TMEM150C: variants seen among roughly 807,000 people sequenced by gnomAD.
TMEM150C encodes the protein tentonin 3.
A neutral mutation model predicts 29.9 loss-of-function variants in TMEM150C; 10 were observed. The ratio of observed to expected loss-of-function variants is 0.33; its 90% confidence interval spans 0.21 to 0.57. TMEM150C has a LOEUF of 0.57. Ranked by LOEUF, TMEM150C falls within the 20% of genes least tolerant of loss-of-function variation. The pLI, the probability that TMEM150C is intolerant of heterozygous loss-of-function variation, is 0.88. For synonymous variants in TMEM150C, 101 were observed against 112.5 expected (o/e 0.90, Z 0.64); for missense variants, 251 against 303.6 (o/e 0.83, Z 1.29).
At chr4:82,524,155 C>T (rs1390663592) in intron 1 of TMEM150C, among the ~76,000 whole-genome samples, 1 of 150,590 alleles carries the variant, frequency 6.6e-6, no homozygotes, top group Non-Finnish European at 1.5e-5. Flanking sequence ...GTGGTCCCAG[C>T]TACTCGGAAG....
At chr4:82,527,643 T>C (rs6823689) in intron 1 of TMEM150C, among the ~76,000 whole-genome samples, 15,155 of 152,228 alleles carry the variant, frequency 0.1, 1,533 homozygotes, top group African/African-American at 0.26. Context: ...CTCCATGCCT[T>C]CTTCCCATGG....
chr4:82,547,214 C>T (rs1048739030), intron 1 of TMEM150C, among the ~76,000 whole-genome samples: 2 of 150,942 alleles, frequency 1.3e-5, no homozygotes, highest in Non-Finnish European at 3.0e-5. Flanking sequence ...ACAAATAACC[C>T]AAATAAAAAA....
At chr4:82,493,812 C>T (rs1723451395) in intron 6 of TMEM150C, among the ~76,000 whole-genome samples, 1 of 152,224 alleles carries the variant, frequency 6.6e-6, no homozygotes, top group Non-Finnish European at 1.5e-5. Context: ...CAAATATTCT[C>T]CTGGTAATCA....
At chr4:82,536,356 C>CAAAAA (rs567469021) in intron 1 of TMEM150C, among the ~76,000 whole-genome samples, 5 of 80,472 alleles carry the variant, frequency 6.2e-5, no homozygotes, top group South Asian at 5.0e-4. Context: ...GACTCCATCT[C>CAAAAA]AAAAAAAAAA....
At chr4:82,537,967 G>T (rs948324818) in intron 1 of TMEM150C, among the ~76,000 whole-genome samples, 7 of 152,184 alleles carry the variant, frequency 4.6e-5, no homozygotes, top group Admixed American at 2.6e-4. Flanking sequence ...GTGGTAATTT[G>T]TTGTGGCAGC....
At chr4:82,506,580 C>T (rs1341156429) in intron 1 of TMEM150C, among the ~76,000 whole-genome samples, 1 of 152,222 alleles carries the variant, frequency 6.6e-6, no homozygotes. Flanking sequence ...GGCGGAAATA[C>T]TGAGGCAAGG....
chr4:82,504,187 C>T (rs1484076096), intron 2 of TMEM150C, among the ~76,000 whole-genome samples: 4 of 151,964 alleles, frequency 2.6e-5, no homozygotes, highest in African/African-American at 9.7e-5. Flanking sequence ...TAAATACAGT[C>T]ATAAAGATAT....
At position 82,505,259 on chromosome 4, in the gene TMEM150C, C is replaced by T. The variant is rs78493844; in HGVS notation, c.-10-592G>A. Among the ~76,000 whole-genome samples, 21 of 152,178 alleles carry T rather than the reference C, an allele frequency of 1.4e-4. No individual in the cohort carries two copies. The East Asian group carries it at 4.1e-3, about 29-fold the overall frequency. On this transcript the variant is annotated intron_variant, in intron 1 of 7. Coordinates refer to ENST00000449862, the MANE Select transcript of TMEM150C (RefSeq NM_001080506.3). ...ATGGGGTCTAGCTATGTTGCCCAAG[C>T]TGGTCTTGAACTCCTGGCCCAAAGT...
chr4:82,501,861 A>AAT (rs141611926), intron 5 of TMEM150C, among the ~76,000 whole-genome samples: 3,024 of 152,318 alleles, frequency 0.02, 109 homozygotes, highest in African/African-American at 0.07. Flanking sequence ...ACAAAGGTTG[A>AAT]ATATTCCCTC....
intron 1 of TMEM150C, among the ~76,000 whole-genome samples, chr4:82,546,566 C>T (rs147485417): frequency 3.3e-5 from 5 of 152,250 alleles, no homozygotes; most frequent in East Asian, 1.9e-4. Context: ...TGGTGGCTCA[C>T]GTCTGTAATC....
At chr4:82,557,406 T>G (rs1725767372) in intron 1 of TMEM150C, among the ~76,000 whole-genome samples, 2 of 152,292 alleles carry the variant, frequency 1.3e-5, no homozygotes, top group African/African-American at 4.8e-5. Context: ...ACAGGGTCTC[T>G]GTGATTGTAA....
intron 5 of TMEM150C, among the ~76,000 whole-genome samples, chr4:82,498,824 T>C (rs1276472612): frequency 3.3e-5 from 5 of 152,304 alleles, no homozygotes; most frequent in Admixed American, 3.3e-4. Context: ...ACATGCAACA[T>C]CTTCTGGTCC....
At position 82,490,114 on chromosome 4, in the gene TMEM150C, A is replaced by G. The variant is rs1723285570; in HGVS notation, c.488T>C (p.Val163Ala). ...KVNIKNEGRRVGIPRVILSAS... is the reference protein window; with the variant it reads ...KVNIKNEGRRAGIPRVILSAS... Reference sequence around the variant, plus strand: ...CGACAGAATAACCCGTGGAATTCCAACTCTCCGTCCTTCATTCTTGATGTT... The same window carrying G: ...CGACAGAATAACCCGTGGAATTCCAGCTCTCCGTCCTTCATTCTTGATGTT... Residue 163 changes from valine (V) to alanine (A), a missense_variant, in exon 7 of 8, where the codon GTT becomes GCT. Transcript: ENST00000449862. 3 of 1,613,874 alleles carry G rather than the reference A, an allele frequency of 1.9e-6. No individual in the cohort carries two copies. The highest frequency in any genetic ancestry group is 2.2e-5 in the East Asian group (1 of 44,878).
chr4:82,542,749 G>T (rs1426739538), intron 1 of TMEM150C, among the ~76,000 whole-genome samples: 1 of 152,138 alleles, frequency 6.6e-6, no homozygotes, highest in Admixed American at 6.6e-5. Flanking sequence ...GTCCTTCTTG[G>T]AACCTTATAT....
At chr4:82,534,582 C>T (rs952443055) in intron 1 of TMEM150C, among the ~76,000 whole-genome samples, 6 of 152,166 alleles carry the variant, frequency 3.9e-5, no homozygotes, top group African/African-American at 1.4e-4. Flanking sequence ...TTTACAGCAG[C>T]GTATCTCTAA....
intron 1 of TMEM150C, among the ~76,000 whole-genome samples, chr4:82,558,462 A>G (rs939333841): frequency 2.6e-5 from 4 of 152,218 alleles, no homozygotes; most frequent in Non-Finnish European, 2.9e-5. Context: ...CCTACCTACC[A>G]AAGCTGGTTT....
intron 6 of TMEM150C, among the ~76,000 whole-genome samples, chr4:82,494,580 CG>C (rs1472947795): frequency 6.6e-6 from 1 of 151,688 alleles, no homozygotes; most frequent in Non-Finnish European, 1.5e-5. Flanking sequence ...CAATTTGTTA[CG>C]AAAAAAAAGT....
intron 1 of TMEM150C, 101 bp downstream of exon 1, chr4:82,561,805 C>T: frequency 4.6e-6 from 4 of 867,618 alleles, no homozygotes; most frequent in Non-Finnish European, 5.5e-6. Flanking sequence ...GCTGCAGCCC[C>T]CGCCGTCCCC....
At chr4:82,529,763 G>A (rs1457815498) in intron 1 of TMEM150C, among the ~76,000 whole-genome samples, 2 of 152,198 alleles carry the variant, frequency 1.3e-5, no homozygotes, top group Middle Eastern at 3.2e-3. Context: ...AGATGAAAGG[G>A]AGGTGGGGAA....
Sources: gnomAD v4.1 joint callset for allele counts (sites outside exome capture counted in the v4.1 genomes callset) on GRCh38, gnomAD v4.1.1 for gene constraint, MANE v1.5 for transcripts, NCBI Gene and HGNC (gene_info 2026-07-23, HGNC 2026-07-21) for gene names.